HTR6: variants seen among roughly 807,000 people sequenced by gnomAD.
HTR6 encodes 5-hydroxytryptamine (serotonin) receptor 6, G protein-coupled.
A neutral mutation model predicts 17.4 loss-of-function variants in HTR6; 15 were observed. The observed-to-expected ratio is 0.86, with a 90% confidence interval of 0.58 to 1.33. HTR6 has a LOEUF of 1.33. HTR6 is among the 40% of genes most tolerant of loss of function. HTR6 has a pLI of 0.00. For missense variants in HTR6, 578 were observed against 616.0 expected (o/e 0.94, Z 0.65); for synonymous variants, 326 against 295.5 (o/e 1.10, Z -1.06).
chr1:19,677,015 T>C (rs1256864086), intron 1 of HTR6, among the ~76,000 whole-genome samples: 1 of 152,200 alleles, frequency 6.6e-6, no homozygotes, highest in Non-Finnish European at 1.5e-5. Flanking sequence ...AAATCTAATA[T>C]ATGAAAATCC....
chr1:19,665,670 T>G lies in HTR6; in HGVS notation c.-84T>G. ...AGTCGCGGTCTGTTCTCACGGACGG[T>G]CCCCGTCCAGCCTGCGCTTCGCCGG... is the stretch of plus-strand genomic sequence containing the variant. On this transcript the variant is annotated 5_prime_UTR_variant, in exon 1 of 3. Coordinates refer to ENST00000289753, the MANE Select transcript of HTR6 (RefSeq NM_000871.3). The surrounding 1 kb of genome is among the most constrained non-coding windows in gnomAD (Gnocchi z 4.2). 3 of 924,272 alleles carry G rather than the reference T, an allele frequency of 3.2e-6. No individual in the cohort carries two copies. 57.3% of individuals were successfully genotyped at this position (924,272 alleles called of 1,614,324 possible). A position where few individuals can be genotyped will look rare whatever the true frequency, so the allele number is the denominator to read the frequency against.
chr1:19,666,258 C>A lies in HTR6; in HGVS notation c.505C>A (p.Leu169Met). 1 of 1,609,690 alleles carries A rather than the reference C, an allele frequency of 6.2e-7. No homozygotes were observed. The highest frequency in any genetic ancestry group is 8.5e-7 in the Non-Finnish European group (1 of 1,179,538). ...FLPLLLGWHELGHARPPVPGQ... is the reference protein window; with the variant it reads ...FLPLLLGWHEMGHARPPVPGQ... ...GCCCCTGCTGCTGGGCTGGCACGAG[C>A]TGGGCCACGCACGGCCACCCGTCCC... The change falls in exon 1 of 3, where the codon CTG (leucine) becomes ATG (methionine). Residue 169 changes from leucine (L) to methionine (M), a missense_variant. Physicochemically the swap from Leu to Met is conservative, Grantham distance 15 (BLOSUM62 2). Coordinates refer to ENST00000289753, the MANE Select transcript of HTR6 (RefSeq NM_000871.3). This position sits in a 1 kb window ranked among gnomAD's most constrained non-coding sequence, Gnocchi z 4.5.
chr1:19,666,074 G>T lies in HTR6; in HGVS notation c.321G>T (p.Val107=). ...GLCLLWTAFD[V]MCCSASILNL... ...GCCTGCTCTGGACCGCCTTCGACGT[G>T]ATGTGCTGCAGCGCCTCCATCCTCA... Residue 107 remains valine, a synonymous_variant, in exon 1 of 3, where the codon GTG becomes GTT. Transcript: ENST00000289753. The surrounding 1 kb of genome is among the most constrained non-coding windows in gnomAD (Gnocchi z 4.5). 6.2e-7 allele frequency: 1 copy of T among 1,613,064 alleles called. No individual in the cohort carries two copies. Among genetic ancestry groups the T allele is most frequent in the Non-Finnish European group, 8.5e-7 (1 of 1,179,852 alleles).
At chr1:19,670,106 G>C (rs1243980800) in intron 1 of HTR6, among the ~76,000 whole-genome samples, 1 of 152,010 alleles carries the variant, frequency 6.6e-6, no homozygotes, top group African/African-American at 2.4e-5. Flanking sequence ...AATCCTGCTT[G>C]TTTCTTCTCT....
At chr1:19,673,477 GGT>G (rs2095090706) in intron 1 of HTR6, among the ~76,000 whole-genome samples, 1 of 152,228 alleles carries the variant, frequency 6.6e-6, no homozygotes. Flanking sequence ...GGGAGGCCGA[GGT>G]GGGTGGATCA....
rs909203676 is a variant in HTR6, at chr1:19,675,588, C to T, written c.715-2979C>T. 2.0e-5 allele frequency among the ~76,000 whole-genome samples: 3 copies of T among 152,104 alleles called. No individual in the cohort carries two copies. In the East Asian group the frequency reaches 5.8e-4, roughly 29 times the overall value. ...CATCTTCACCCCATTCTCTGGAGCT[C>T]CTTCCCCCAATGATTGACCTGAGAT... On this transcript the variant is annotated intron_variant, in intron 1 of 2. Transcript: ENST00000289753.
chr1:19,679,870 C>T lies in HTR6; in HGVS notation c.*502C>T, dbSNP rs1022317497. Among the ~76,000 whole-genome samples, 2 of 152,218 alleles carry T rather than the reference C, an allele frequency of 1.3e-5. No individual in the cohort carries two copies. Among genetic ancestry groups the T allele is most frequent in the African/African-American group, 4.8e-5 (2 of 41,460 alleles). On this transcript the variant is annotated 3_prime_UTR_variant, in exon 3 of 3. Coordinates refer to ENST00000289753, the MANE Select transcript of HTR6 (RefSeq NM_000871.3). This position sits in a 1 kb window ranked among gnomAD's most constrained non-coding sequence, Gnocchi z 4.9. ...GCCCAGACCTGCTGAGTCAGAACTG[C>T]ATGTTACCAAGATCCCAGGTGAATC...
chr1:19,669,494 C>T (rs538647283), intron 1 of HTR6, among the ~76,000 whole-genome samples: 3 of 152,306 alleles, frequency 2.0e-5, no homozygotes, highest in East Asian at 1.9e-4. Flanking sequence ...GGTTTAAGCT[C>T]GGATCTGGCT....
intron 1 of HTR6, among the ~76,000 whole-genome samples, chr1:19,673,343 A>T (rs2100472936): frequency 6.6e-6 from 1 of 152,378 alleles, no homozygotes; most frequent in Non-Finnish European, 1.5e-5. Context: ...CAGAGCCAGG[A>T]TTTGAAACCA....
chr1:19,676,631 C>T (rs1292121080), intron 1 of HTR6, among the ~76,000 whole-genome samples: 3 of 152,100 alleles, frequency 2.0e-5, no homozygotes, highest in Non-Finnish European at 2.9e-5. Context: ...TAGAAAGAGC[C>T]GGGGCTGGAG....
chr1:19,674,586 A>G (rs2095092088), intron 1 of HTR6, among the ~76,000 whole-genome samples: 1 of 151,842 alleles, frequency 6.6e-6, no homozygotes, highest in African/African-American at 2.4e-5. Flanking sequence ...TTTTATTTTT[A>G]GCAGAGACAG....
In HTR6 at chr1:19,679,265, A is replaced by T; in HGVS notation, c.1220A>T (p.Asp407Val). ...QLLLPGEATQ[D>V]PPLPTRAAAA... is the part of the protein sequence containing the mutation. ...CTGCTTCCTGGCGAGGCCACCCAGG[A>T]CCCCCCGCTGCCCACCAGGGCCGCT... Residue 407 changes from aspartate (D) to valine (V), a missense_variant, in exon 3 of 3, where the codon GAC becomes GTC. Coordinates refer to ENST00000289753, the MANE Select transcript of HTR6 (RefSeq NM_000871.3). This position sits in a 1 kb window ranked among gnomAD's most constrained non-coding sequence, Gnocchi z 4.9. The T allele has an allele frequency of 6.2e-7, 1 of 1,600,010 alleles. No homozygotes were observed. The highest frequency in any genetic ancestry group is 8.5e-7 in the Non-Finnish European group (1 of 1,175,600).
chr1:19,671,719 C>A (rs1192025711), intron 1 of HTR6, among the ~76,000 whole-genome samples: 10 of 152,192 alleles, frequency 6.6e-5, no homozygotes, highest in Non-Finnish European at 1.5e-5. Context: ...AGGAGCTGGG[C>A]ATAGGTCTCG....
Position 19,665,824 on chromosome 1 carries a change from G to T in HTR6, c.71G>T (p.Gly24Val), listed in dbSNP as rs770334471. ...GGGGCAGGGCCGCCGTCGGCCCCGG[G>T]GGGCAGCGGCTGGGTGGCGGCCGCG... is the stretch of plus-strand genomic sequence containing the variant. ...AWGAGPPSAP[G>V]GSGWVAAALC... is the part of the protein sequence containing the mutation. Residue 24 changes from glycine to valine, a missense_variant, in exon 1 of 3, where the codon GGG (glycine) becomes GTG (valine). Coordinates refer to ENST00000289753, the MANE Select transcript of HTR6 (RefSeq NM_000871.3). The surrounding 1 kb of genome is among the most constrained non-coding windows in gnomAD (Gnocchi z 4.2). 6.1e-5 allele frequency: 95 copies of T among 1,565,256 alleles called. No homozygotes were observed. The highest frequency in any genetic ancestry group is 7.9e-5 in the Non-Finnish European group (91 of 1,158,644).
chr1:19,666,191 A>T lies in HTR6; in HGVS notation c.438A>T (p.Leu146=). Reference sequence around the variant, plus strand: ...TGACGCCCCTGCGTGCCCTGGCCCTAGTCCTGGGCGCCTGGAGCCTCGCCG... The same window carrying T: ...TGACGCCCCTGCGTGCCCTGGCCCTTGTCCTGGGCGCCTGGAGCCTCGCCG... The part of the protein sequence containing the change: ...LRMTPLRALA[L]VLGAWSLAAL... Residue 146 remains leucine, a synonymous_variant, in exon 1 of 3, where the codon CTA becomes CTT. Coordinates refer to ENST00000289753, the MANE Select transcript of HTR6 (RefSeq NM_000871.3). The surrounding 1 kb of genome is among the most constrained non-coding windows in gnomAD (Gnocchi z 4.5). 6.2e-7 allele frequency: 1 copy of T among 1,610,174 alleles called. No homozygotes were observed. Among genetic ancestry groups the T allele is most frequent in the Non-Finnish European group, 8.5e-7 (1 of 1,179,778 alleles).
intron 1 of HTR6, 27 bp from the exon 2 acceptor site, chr1:19,678,540 G>T (rs200538675): frequency 1.2e-6 from 2 of 1,611,808 alleles, no homozygotes; most frequent in African/African-American, 2.7e-5. Context: ...CTTTCTCAAC[G>T]GACTCATGTG....
rs2095101612 is a variant in HTR6, at chr1:19,680,867, G to T, written c.*1499G>T. Among the ~76,000 whole-genome samples the T allele has an allele frequency of 6.6e-6, 1 of 152,204 alleles. No homozygotes were observed. The highest frequency in any genetic ancestry group is 1.5e-5 in the Non-Finnish European group (1 of 68,042). ...TTGGTGCTGATGAGACACAACTCTGGCCCCGGCGGCTGGCCTCTGAGGGGC... is the reference window on the plus strand; with the variant it reads ...TTGGTGCTGATGAGACACAACTCTGTCCCCGGCGGCTGGCCTCTGAGGGGC... On this transcript the variant is annotated 3_prime_UTR_variant, in exon 3 of 3. Transcript: ENST00000289753.
intron 1 of HTR6, among the ~76,000 whole-genome samples, chr1:19,669,739 C>T (rs3790756): frequency 0.13 from 20,517 of 152,200 alleles, 1,442 homozygotes; most frequent in East Asian, 0.22. Context: ...CTGAAAATAC[C>T]ACCCACACGC....
Position 19,666,539 on chromosome 1 carries a change from G to A in HTR6, c.714+72G>A. 1 of 1,149,782 alleles carries A rather than the reference G, an allele frequency of 8.7e-7. No homozygotes were observed. The highest frequency in any genetic ancestry group is 1.2e-6 in the Non-Finnish European group (1 of 822,518). The allele number at this position is 1,149,782 out of a possible 1,614,324, so 71.2% of individuals were successfully genotyped here. A position where few individuals can be genotyped will look rare whatever the true frequency, so the allele number is the denominator to read the frequency against. On this transcript the variant is annotated intron_variant, in intron 1 of 2. Coordinates refer to ENST00000289753, the MANE Select transcript of HTR6 (RefSeq NM_000871.3). The surrounding 1 kb of genome is among the most constrained non-coding windows in gnomAD (Gnocchi z 4.5). Reference sequence around the variant, plus strand: ...TGAGCAGCCCCTGGGGACCCCCTGGGCATCCCCACTTAGCACACATTTGCT... The same window carrying A: ...TGAGCAGCCCCTGGGGACCCCCTGGACATCCCCACTTAGCACACATTTGCT...
Sources: gnomAD v4.1 joint callset for allele counts (sites outside exome capture counted in the v4.1 genomes callset) on GRCh38, gnomAD v4.1.1 for gene constraint, Gnocchi (gnomAD v3.1) non-coding constraint, MANE v1.5 for transcripts, NCBI Gene and HGNC (gene_info 2026-07-23, HGNC 2026-07-21) for gene names.